GRAMD1B: variants seen among roughly 807,000 people sequenced by gnomAD.
GRAMD1B encodes GRAM domain containing 1B, also known as protein Aster-B.
Under a neutral mutation model 99.7 loss-of-function variants are expected in GRAMD1B, and 37 were observed. The observed-to-expected ratio is 0.37, with a 90% CI of 0.29 to 0.49. The LOEUF (loss-of-function observed/expected upper bound fraction) is 0.49, where lower values mean the gene tolerates loss of function less well. Ranked by LOEUF, GRAMD1B falls within the 20% of genes least tolerant of loss-of-function variation. GRAMD1B has a pLI of 0.98. For missense variants in GRAMD1B, 888 were observed against 1,009.2 expected (o/e 0.88, Z 1.63); for synonymous variants, 427 against 387.6 (o/e 1.10, Z -1.19).
intron 2 of GRAMD1B, among the ~76,000 whole-genome samples, chr11:123,538,285 T>C (rs935470483): frequency 1.4e-4 from 21 of 152,188 alleles, no homozygotes; most frequent in Non-Finnish European, 2.1e-4. Context: ...CCCTGACTTA[T>C]ACTACTCTGT....
intron 2 of GRAMD1B, among the ~76,000 whole-genome samples, chr11:123,558,499 T>C (rs567412786): frequency 1.3e-5 from 2 of 152,190 alleles, no homozygotes; most frequent in Non-Finnish European, 2.9e-5. Context: ...TCATCATCTT[T>C]TCAACAGTAC....
At chr11:123,588,703 G>A (rs1950312289) in intron 4 of GRAMD1B, among the ~76,000 whole-genome samples, 1 of 152,178 alleles carries the variant, frequency 6.6e-6, no homozygotes, top group South Asian at 2.1e-4. Flanking sequence ...CAGCAACCAG[G>A]TACTGACACG....
chr11:123,513,578 T>TTCCCTTCCTTCC lies in GRAMD1B; in HGVS notation c.452+32686_452+32687insCCCTTCCTTCCT, dbSNP rs1555050112. Among the ~76,000 whole-genome samples, 3 of 41,672 alleles carry TTCCCTTCCTTCC rather than the reference T, an allele frequency of 7.2e-5. No individual in the cohort carries two copies. In the Admixed American group the frequency reaches 8.7e-4, roughly 12 times the overall value. 27.3% of individuals were successfully genotyped at this position (41,672 alleles called of 152,430 possible). ...TTTCCTTCCTTCCTTCCTTCCTTCC[T>TTCCCTTCCTTCC]TTCCTTCCTTCCTTCCTTCCTTCCT... On this transcript the variant is annotated intron_variant, in intron 2 of 19. Transcript: ENST00000635736.
intron 1 of GRAMD1B, among the ~76,000 whole-genome samples, chr11:123,411,226 G>T (rs986831147): frequency 6.6e-6 from 1 of 151,812 alleles, no homozygotes; most frequent in African/African-American, 2.4e-5. Context: ...GGATGGTCTC[G>T]ATCTCCTGAT....
chr11:123,586,371 C>T (rs1379443143), intron 4 of GRAMD1B, among the ~76,000 whole-genome samples: 15 of 152,200 alleles, frequency 9.9e-5, no homozygotes, highest in Non-Finnish European at 1.9e-4. Flanking sequence ...TTAATTCTCA[C>T]TTGTCTCCTT....
At chr11:123,515,570 C>T (rs1941592692) in intron 2 of GRAMD1B, among the ~76,000 whole-genome samples, 1 of 152,100 alleles carries the variant, frequency 6.6e-6, no homozygotes. Context: ...GGAGAGCCTT[C>T]TTCATAGGGG....
intron 2 of GRAMD1B, among the ~76,000 whole-genome samples, chr11:123,504,420 A>G (rs1030886563): frequency 5.3e-5 from 8 of 152,174 alleles, no homozygotes; most frequent in African/African-American, 1.9e-4. Context: ...CTTTTCTCCT[A>G]GAAGCTGATC....
At chr11:123,604,183 G>A (rs1952387225) in intron 9 of GRAMD1B, among the ~76,000 whole-genome samples, 1 of 152,232 alleles carries the variant, frequency 6.6e-6, no homozygotes, top group Non-Finnish European at 1.5e-5. Flanking sequence ...GATATGGAGT[G>A]TGGAGTGCAC....
chr11:123,563,088 G>T (rs1017443549), intron 2 of GRAMD1B, among the ~76,000 whole-genome samples: 1 of 152,176 alleles, frequency 6.6e-6, no homozygotes, highest in African/African-American at 2.4e-5. Flanking sequence ...GGGAGCCATC[G>T]CCATGTTAAT....
upstream of GRAMD1B, among the ~76,000 whole-genome samples, chr11:123,427,033 GGTTACCACCT>G (rs1341339742): frequency 6.6e-6 from 1 of 152,198 alleles, no homozygotes; most frequent in Admixed American, 6.5e-5. Context: ...GGGTTGTTCT[GGTTACCACCT>G]GTCTGGGGAA....
intron 1 of GRAMD1B, among the ~76,000 whole-genome samples, chr11:123,416,259 G>A (rs897112408): frequency 6.6e-6 from 1 of 152,072 alleles, no homozygotes; most frequent in African/African-American, 2.4e-5. Context: ...AGGCCAAAAT[G>A]CCATCTTTTA....
chr11:123,369,139 G>C (rs1946431857), intron 1 of GRAMD1B, among the ~76,000 whole-genome samples: 1 of 151,860 alleles, frequency 6.6e-6, no homozygotes, highest in Admixed American at 6.6e-5. Context: ...TACAAAAATA[G>C]AAATGCAAAA....
intron 1 of GRAMD1B, among the ~76,000 whole-genome samples, chr11:123,372,650 C>T (rs1946566023): frequency 6.6e-6 from 1 of 152,168 alleles, no homozygotes; most frequent in Non-Finnish European, 1.5e-5. Context: ...TTCATCAGTA[C>T]CCACCAAATC....
chr11:123,400,081 A>G (rs902121590), intron 1 of GRAMD1B, among the ~76,000 whole-genome samples: 4 of 152,156 alleles, frequency 2.6e-5, no homozygotes, highest in Non-Finnish European at 5.9e-5. Context: ...GAGTTGTAGG[A>G]GTTCCTTGCA....
intron 1 of GRAMD1B, among the ~76,000 whole-genome samples, chr11:123,397,100 C>T (rs1346039896): frequency 2.0e-5 from 3 of 151,988 alleles, no homozygotes; most frequent in Non-Finnish European, 2.9e-5. Context: ...TGCTTATCTT[C>T]GTTCAATTAA....
At chr11:123,375,499 G>A (rs1290071821) in intron 1 of GRAMD1B, among the ~76,000 whole-genome samples, 1 of 152,016 alleles carries the variant, frequency 6.6e-6, no homozygotes, top group Admixed American at 6.6e-5. Context: ...GTGGGGTTGG[G>A]GTACAAAAAA....
intron 2 of GRAMD1B, chr11:123,559,554 C>T (rs762251770): frequency 2.3e-5 from 7 of 297,970 alleles, no homozygotes; most frequent in Admixed American, 6.5e-5. Context: ...TAGAATACCT[C>T]GCACTGCCAG....
At chr11:123,440,603 A>C (rs781600686) in intron 1 of GRAMD1B, among the ~76,000 whole-genome samples, 1 of 152,240 alleles carries the variant, frequency 6.6e-6, no homozygotes, top group Non-Finnish European at 1.5e-5. Flanking sequence ...TAATTTTATC[A>C]TGTTAACTCA....
At chr11:123,572,397 TTA>T (rs1381666434) in intron 2 of GRAMD1B, among the ~76,000 whole-genome samples, 1 of 152,198 alleles carries the variant, frequency 6.6e-6, no homozygotes, top group Non-Finnish European at 1.5e-5. Flanking sequence ...GTTTGAAACT[TTA>T]TGTTATGTTA....
Sources: gnomAD v4.1 joint callset for allele counts (sites outside exome capture counted in the v4.1 genomes callset) on GRCh38, gnomAD v4.1.1 for gene constraint, MANE v1.5 for transcripts, NCBI Gene and HGNC (gene_info 2026-07-23, HGNC 2026-07-21) for gene names.